The following ADD2 variants were observed in gnomAD, a reference collection of about 807,000 sequenced individuals.
The protein encoded by ADD2 is beta-adducin.
Under a neutral mutation model 83.0 loss-of-function variants are expected in ADD2, and 23 were observed. That is an observed-to-expected ratio of 0.28 (90% CI 0.20 to 0.39). The LOEUF (loss-of-function observed/expected upper bound fraction) is 0.39, where lower values mean the gene tolerates loss of function less well. Among genes scored for constraint, ADD2 ranks in the 10% least tolerant of loss-of-function variants. The pLI is 1.00. For missense variants in ADD2, 758 were observed against 944.9 expected (o/e 0.80, Z 2.59); for synonymous variants, 375 against 375.4 (o/e 1.00, Z 0.01).
rs1670933377 is a variant in ADD2, at chr2:70,689,760, TA to T, written c.849+1025del. Among the ~76,000 whole-genome samples, 3 of 152,236 alleles carry T rather than the reference TA, an allele frequency of 2.0e-5. No homozygotes were observed. In the East Asian group the frequency reaches 5.8e-4, roughly 29 times the overall value. The stretch of plus-strand genomic sequence containing the variant: ...CCTCCGTGGCTGTGCCATACTGAGC[TA>T]ACCATCCCCAAATATGTGCTGTTAT... On this transcript the variant is annotated intron_variant, in intron 8 of 15. Coordinates refer to ENST00000264436, the MANE Select transcript of ADD2 (RefSeq NM_001617.4).
At chr2:70,745,281 G>A (rs1328945482) in intron 1 of ADD2, among the ~76,000 whole-genome samples, 12 of 151,680 alleles carry the variant, frequency 7.9e-5, no homozygotes, top group South Asian at 4.2e-4. Flanking sequence ...GCGATACTCC[G>A]TCTCAAAATA....
In ADD2 at chr2:70,766,184, T is replaced by C. The variant is rs79082808; in HGVS notation, c.-154+1702A>G. Among the ~76,000 whole-genome samples the C allele has an allele frequency of 3.9e-3, 591 of 152,356 alleles. 8 individuals are homozygous for C. The highest frequency in any genetic ancestry group is 0.013 in the African/African-American group (548 of 41,588). ...GGTGGACAAGAAAGAACATAGGGCT[T>C]ACTACAAAATTCTTATGGATTTTGG... On this transcript the variant is annotated intron_variant, in intron 1 of 15. Coordinates refer to ENST00000264436, the MANE Select transcript of ADD2 (RefSeq NM_001617.4).
chr2:70,740,376 C>T (rs975662104), intron 1 of ADD2, among the ~76,000 whole-genome samples: 1 of 152,134 alleles, frequency 6.6e-6, no homozygotes, highest in Non-Finnish European at 1.5e-5. Context: ...ATACAAGAAA[C>T]CTGAATCGGT....
chr2:70,743,119 T>A (rs1674006517), intron 1 of ADD2, among the ~76,000 whole-genome samples: 1 of 152,168 alleles, frequency 6.6e-6, no homozygotes, highest in Non-Finnish European at 1.5e-5. Flanking sequence ...CAAAGTCACA[T>A]CTTATGATAG....
At position 70,676,603 on chromosome 2, in the gene ADD2, C is replaced by G. The variant is rs1482099959; in HGVS notation, c.1593+193G>C. 5.6e-6 allele frequency: 8 copies of G among 1,439,486 alleles called. No individual in the cohort carries two copies. In the East Asian group the frequency reaches 1.8e-4, roughly 32 times the overall value. 89.2% of individuals were successfully genotyped at this position (1,439,486 alleles called of 1,614,324 possible). ...CCAGCCCAGTGCCCACAGGGGCCAT[C>G]AGACATTGTCCTCCCTGGTCCTCAC... is the stretch of plus-strand genomic sequence containing the variant. On this transcript the variant is annotated intron_variant, in intron 13 of 15. Transcript: ENST00000264436. This position sits in a 1 kb window ranked among gnomAD's most constrained non-coding sequence, Gnocchi z 4.8.
At chr2:70,748,848 A>C (rs1414841098) in intron 1 of ADD2, among the ~76,000 whole-genome samples, 1 of 152,234 alleles carries the variant, frequency 6.6e-6, no homozygotes, top group Non-Finnish European at 1.5e-5. Flanking sequence ...TTAGCTTAGG[A>C]GTGCAACACA....
At chr2:70,740,005 T>C (rs1382680263) in intron 1 of ADD2, among the ~76,000 whole-genome samples, 1 of 152,198 alleles carries the variant, frequency 6.6e-6, no homozygotes, top group East Asian at 1.9e-4. Flanking sequence ...CCTGCACATG[T>C]ACCCCTGAAC....
Position 70,676,743 on chromosome 2 carries a change from G to C in ADD2, c.1593+53C>G. The C allele has an allele frequency of 6.2e-7, 1 of 1,612,716 alleles. No homozygotes were observed. Among genetic ancestry groups the C allele is most frequent in the Non-Finnish European group, 8.5e-7 (1 of 1,179,288 alleles). ...CTGCAACCCAGCCCCAGGCACAGAA[G>C]ACCCCGAAGGCAAACACGTTTCCCC... On this transcript the variant is annotated intron_variant, in intron 13 of 15. Coordinates refer to ENST00000264436, the MANE Select transcript of ADD2 (RefSeq NM_001617.4). The surrounding 1 kb of genome is among the most constrained non-coding windows in gnomAD (Gnocchi z 4.8).
intron 1 of ADD2, among the ~76,000 whole-genome samples, chr2:70,740,915 G>T (rs1553380993): frequency 6.6e-6 from 1 of 152,152 alleles, no homozygotes; most frequent in African/African-American, 2.4e-5. Context: ...GGCCAGGCTG[G>T]TCTCAAACTC....
At chr2:70,765,866 A>G (rs994905518) in intron 1 of ADD2, among the ~76,000 whole-genome samples, 14 of 152,286 alleles carry the variant, frequency 9.2e-5, no homozygotes, top group African/African-American at 2.9e-4. Context: ...CTGCCTTGCC[A>G]TATTTATGAA....
chr2:70,717,728 GC>G (rs1672547497), intron 1 of ADD2: 1 of 152,328 alleles, frequency 6.6e-6, no homozygotes, highest in African/African-American at 2.4e-5. Flanking sequence ...GATGGTCAGG[GC>G]TGAGCTGCTG....
chr2:70,717,351 G>A (rs1288793221), intron 1 of ADD2, among the ~76,000 whole-genome samples: 1 of 152,188 alleles, frequency 6.6e-6, no homozygotes, highest in Non-Finnish European at 1.5e-5. Context: ...AGGTCTACAA[G>A]GGGAGTAATA....
At chr2:70,741,787 T>C (rs1252264043) in intron 1 of ADD2, among the ~76,000 whole-genome samples, 1 of 152,106 alleles carries the variant, frequency 6.6e-6, no homozygotes, top group Non-Finnish European at 1.5e-5. Flanking sequence ...AAGAGATAAA[T>C]TTCTGTTGTG....
At chr2:70,735,222 G>GA (rs1288991688) in intron 1 of ADD2, among the ~76,000 whole-genome samples, 3 of 151,392 alleles carry the variant, frequency 2.0e-5, no homozygotes, top group African/African-American at 4.9e-5. Flanking sequence ...AAAAGAAGGG[G>GA]AAAAAAAAGA....
chr2:70,760,051 T>C (rs1553384577), intron 1 of ADD2, among the ~76,000 whole-genome samples: 1 of 152,206 alleles, frequency 6.6e-6, no homozygotes, highest in African/African-American at 2.4e-5. Flanking sequence ...GCTGGCACCA[T>C]CTGTACTCTA....
intron 1 of ADD2, among the ~76,000 whole-genome samples, chr2:70,753,571 C>T (rs189661204): frequency 2.0e-4 from 30 of 151,674 alleles, no homozygotes; most frequent in African/African-American, 7.3e-4. Flanking sequence ...CCCAGAGCAG[C>T]ATGTCAGGGA....
In ADD2 at chr2:70,657,151, A is replaced by AG. The variant is rs1311376922; in HGVS notation, c.*6273dup. The AG allele has an allele frequency of 2.0e-5, 3 of 152,164 alleles. No individual in the cohort carries two copies. The allele number at this position is 152,164 out of a possible 1,614,324, so 9.4% of individuals were successfully genotyped here. A position where few individuals can be genotyped will look rare whatever the true frequency, so the allele number is the denominator to read the frequency against. On this transcript the variant is annotated 3_prime_UTR_variant, in exon 16 of 16. Coordinates refer to ENST00000264436, the MANE Select transcript of ADD2 (RefSeq NM_001617.4). ...CATCTGTGGGGGTGATGCATACTCA[A>AG]GGGGGCCGGCATTTCAGTAGCAGAA...
At chr2:70,704,207 G>T in intron 4 of ADD2, 114 bp downstream of exon 4, 1 of 1,371,836 alleles carries the variant, frequency 7.3e-7, no homozygotes, top group East Asian at 2.5e-5. Flanking sequence ...ATAACACAAT[G>T]GGCTGCTTAC....
intron 4 of ADD2, among the ~76,000 whole-genome samples, chr2:70,696,919 G>T (rs1671340307): frequency 6.6e-6 from 1 of 152,126 alleles, no homozygotes; most frequent in South Asian, 2.1e-4. Flanking sequence ...CCAGCATTTT[G>T]GGAGGTCGAG....
Sources: gnomAD v4.1 joint callset for allele counts (sites outside exome capture counted in the v4.1 genomes callset) on GRCh38, gnomAD v4.1.1 for gene constraint, Gnocchi (gnomAD v3.1) non-coding constraint, MANE v1.5 for transcripts, NCBI Gene and HGNC (gene_info 2026-07-23, HGNC 2026-07-21) for gene names.